ASS1: variants seen among roughly 807,000 people sequenced by gnomAD.
The protein encoded by ASS1 is argininosuccinate synthase.
In ASS1, 58 loss-of-function variants were observed where a neutral mutation model predicts 60.5. The ratio of observed to expected loss-of-function variants is 0.96; its 90% CI spans 0.78 to 1.19. The LOEUF is 1.19. ASS1 is among the 50% of genes most tolerant of loss of function. The pLI is 0.00. For synonymous variants in ASS1, 200 were observed against 206.9 expected (o/e 0.97, Z 0.29); for missense variants, 454 against 547.3 (o/e 0.83, Z 1.70).
intron 8 of ASS1, among the ~76,000 whole-genome samples, chr9:130,472,298 A>T (rs1029138307): frequency 6.6e-6 from 1 of 151,500 alleles, no homozygotes; most frequent in Non-Finnish European, 1.5e-5. Context: ...GTGCCCGGGG[A>T]GGTTTGGTGA....
chr9:130,468,286 A>G (rs567712068), intron 6 of ASS1, among the ~76,000 whole-genome samples: 1 of 152,346 alleles, frequency 6.6e-6, no homozygotes, highest in South Asian at 2.1e-4. Flanking sequence ...TCGGTAGCCA[A>G]GGCAAAAAGG....
In ASS1 at chr9:130,479,659, G is replaced by T. The variant is rs372485924; in HGVS notation, c.689-57G>T. ...GGAGGGAGAGGGTGGGGTGGCGGGTGCAGACTCCTCCGCTGAGCCGGGCCC... is the reference window on the plus strand; with the variant it reads ...GGAGGGAGAGGGTGGGGTGGCGGGTTCAGACTCCTCCGCTGAGCCGGGCCC... On this transcript the variant is annotated intron_variant, in intron 9 of 14. Coordinates refer to ENST00000352480, the MANE Select transcript of ASS1 (RefSeq NM_054012.4). 8 of 1,403,088 alleles carry T rather than the reference G, an allele frequency of 5.7e-6. No homozygotes were observed. The African/African-American group carries it at 9.9e-5, about 17-fold the overall frequency. The allele number at this position is 1,403,088 out of a possible 1,614,324, so 86.9% of individuals were successfully genotyped here.
intron 12 of ASS1, among the ~76,000 whole-genome samples, chr9:130,492,834 G>A (rs1042804757): frequency 6.6e-6 from 1 of 152,154 alleles, no homozygotes; most frequent in Non-Finnish European, 1.5e-5. Flanking sequence ...CTGCAGGTCT[G>A]GGGGGTGCAG....
In ASS1 at chr9:130,476,591, C is replaced by T. The variant is rs1449739846; in HGVS notation, c.598-280C>T. On this transcript the variant is annotated intron_variant, in intron 8 of 14. Coordinates refer to ENST00000352480, the MANE Select transcript of ASS1 (RefSeq NM_054012.4). The surrounding 1 kb of genome is among the most constrained non-coding windows in gnomAD (Gnocchi z 4.9). Reference sequence around the variant, plus strand: ...ACACTTTTTCCTGCCTGACTTGTTCCTCTCCAGCTATTCTACCTCCAGCTG... The same window carrying T: ...ACACTTTTTCCTGCCTGACTTGTTCTTCTCCAGCTATTCTACCTCCAGCTG... 5.4e-6 allele frequency: 3 copies of T among 553,182 alleles called. No individual in the cohort carries two copies. The highest frequency in any genetic ancestry group is 1.9e-5 in the African/African-American group (1 of 52,934). The allele number at this position is 553,182 out of a possible 1,614,324, so 34.3% of individuals were successfully genotyped here. A position where few individuals can be genotyped will look rare whatever the true frequency, so the allele number is the denominator to read the frequency against.
intron 3 of ASS1, among the ~76,000 whole-genome samples, chr9:130,455,909 TGGAAC>T (rs1380060545): frequency 6.6e-6 from 1 of 152,212 alleles, no homozygotes; most frequent in Admixed American, 6.5e-5. Context: ...GCCACAGGCC[TGGAAC>T]TAGAATGTCC....
intron 2 of ASS1, among the ~76,000 whole-genome samples, chr9:130,453,385 G>C (rs1015277360): frequency 6.6e-6 from 1 of 152,170 alleles, no homozygotes; most frequent in Non-Finnish European, 1.5e-5. Flanking sequence ...AAAGTGGCTT[G>C]TTTGCCGGCA....
At chr9:130,452,955 C>G (rs1200190037) in intron 2 of ASS1, among the ~76,000 whole-genome samples, 1 of 152,240 alleles carries the variant, frequency 6.6e-6, no homozygotes, top group African/African-American at 2.4e-5. Flanking sequence ...AAACTGAACT[C>G]AAACCAACTT....
chr9:130,486,637 C>CA (rs926734315), intron 11 of ASS1, among the ~76,000 whole-genome samples: 9 of 152,174 alleles, frequency 5.9e-5, no homozygotes, highest in African/African-American at 2.2e-4. Flanking sequence ...ATTTCCTAAT[C>CA]AGAGGTCACA....
chr9:130,472,442 C>T (rs1564152261), intron 8 of ASS1, among the ~76,000 whole-genome samples: 1 of 152,112 alleles, frequency 6.6e-6, no homozygotes, highest in Non-Finnish European at 1.5e-5. Context: ...GGGAGCGGGC[C>T]GGGGGTGGCA....
At chr9:130,499,101 G>C (rs976937752) in intron 13 of ASS1, among the ~76,000 whole-genome samples, 1 of 152,158 alleles carries the variant, frequency 6.6e-6, no homozygotes, top group African/African-American at 2.4e-5. Context: ...ACACCCCAAG[G>C]CCTCCTGAGC....
intron 3 of ASS1, among the ~76,000 whole-genome samples, chr9:130,456,358 C>T (rs578105774): frequency 1.1e-3 from 163 of 151,914 alleles, no homozygotes; most frequent in Non-Finnish European, 3.4e-4. Context: ...CCCAGATGCT[C>T]GGGAGGCTGA....
At chr9:130,463,598 C>T (rs895970517) in intron 4 of ASS1, among the ~76,000 whole-genome samples, 1 of 152,186 alleles carries the variant, frequency 6.6e-6, no homozygotes, top group Admixed American at 6.5e-5. Flanking sequence ...TCAGTGGTCA[C>T]CTAGTTCCAC....
chr9:130,458,862 T>G (rs770250861), intron 4 of ASS1, among the ~76,000 whole-genome samples: 5 of 152,234 alleles, frequency 3.3e-5, no homozygotes, highest in Non-Finnish European at 7.3e-5. Context: ...TGCTGAGGCC[T>G]GGGGACATTG....
chr9:130,462,941 C>T lies in ASS1; in HGVS notation c.364-1170C>T, dbSNP rs1845637719. ...CCTCTCTGAGCTTCACTTTCCTCAC[C>T]CATAAAATATGGCTAAAAATCCCCC... On this transcript the variant is annotated intron_variant, in intron 4 of 14. Coordinates refer to ENST00000352480, the MANE Select transcript of ASS1 (RefSeq NM_054012.4). Among the ~76,000 whole-genome samples the T allele has an allele frequency of 2.0e-5, 3 of 152,186 alleles. No homozygotes were observed. The South Asian group carries it at 6.2e-4, about 31-fold the overall frequency.
intron 8 of ASS1, among the ~76,000 whole-genome samples, chr9:130,473,152 C>T (rs1305968112): frequency 1.3e-5 from 2 of 152,186 alleles, no homozygotes; most frequent in Non-Finnish European, 2.9e-5. Flanking sequence ...ACACTTGGGT[C>T]CCAGAGACAG....
At position 130,494,826 on chromosome 9, in the gene ASS1, C is replaced by T. The variant is rs546633538; in HGVS notation, c.971-41C>T. 2 of 1,612,124 alleles carry T rather than the reference C, an allele frequency of 1.2e-6. No homozygotes were observed. Among genetic ancestry groups the T allele is most frequent in the Admixed American group, 1.7e-5 (1 of 59,998 alleles). The stretch of plus-strand genomic sequence containing the variant: ...CAGGTCTCCCTGTGTCCTCGCGGTG[C>T]AGGAGGCCTCCCTAGTGGTATCCTG... On this transcript the variant is annotated intron_variant, in intron 12 of 14. Coordinates refer to ENST00000352480, the MANE Select transcript of ASS1 (RefSeq NM_054012.4). The surrounding 1 kb of genome is among the most constrained non-coding windows in gnomAD (Gnocchi z 4.3).
intron 1 of ASS1, among the ~76,000 whole-genome samples, chr9:130,449,933 G>A (rs1306009798): frequency 6.6e-6 from 1 of 152,210 alleles, no homozygotes; most frequent in Non-Finnish European, 1.5e-5. Context: ...TTGTTATGAT[G>A]TTGGCACATT....
chr9:130,493,053 A>G (rs1846487108), intron 12 of ASS1, among the ~76,000 whole-genome samples: 1 of 152,042 alleles, frequency 6.6e-6, no homozygotes, highest in Non-Finnish European at 1.5e-5. Context: ...TAATGGGCTA[A>G]TTATCCCAGC....
At position 130,491,805 on chromosome 9, in the gene ASS1, G is replaced by A. The variant is rs1846457013; in HGVS notation, c.970+2341G>A. ...CAGAGTGGAGGCGAGGGAGAGTAGG[G>A]GCTTCTTCTGGGTAGTTATCACTAA... On this transcript the variant is annotated intron_variant, in intron 12 of 14. Transcript: ENST00000352480. This position sits in a 1 kb window ranked among gnomAD's most constrained non-coding sequence, Gnocchi z 5.3. Among the ~76,000 whole-genome samples the A allele has an allele frequency of 6.6e-6, 1 of 152,126 alleles. No homozygotes were observed. The highest frequency in any genetic ancestry group is 1.5e-5 in the Non-Finnish European group (1 of 68,036).
Sources: allele counts gnomAD v4.1 joint callset (sites outside exome capture counted in the v4.1 genomes callset), GRCh38; gene constraint gnomAD v4.1.1; non-coding constraint Gnocchi (gnomAD v3.1); transcripts MANE v1.5; gene names NCBI Gene and HGNC (gene_info 2026-07-23, HGNC 2026-07-21).